Variants in SV2B observed in about 807,000 individuals in gnomAD.
SV2B encodes the protein solute carrier family 22 member B2.
A neutral mutation model predicts 73.9 loss-of-function variants in SV2B; 41 were observed. The observed-to-expected ratio is 0.56, with a 90% CI of 0.43 to 0.72. SV2B has a LOEUF of 0.72. Ranked by LOEUF, SV2B falls within the 30% of genes least tolerant of loss-of-function variation. SV2B has a pLI of 0.00. For synonymous variants in SV2B, 314 were observed against 314.2 expected (o/e 1.00, Z 0.01); for missense variants, 764 against 857.8 (o/e 0.89, Z 1.37).
At chr15:91,183,634 G>A (rs1282574807) in intron 1 of SV2B, among the ~76,000 whole-genome samples, 1 of 152,168 alleles carries the variant, frequency 6.6e-6, no homozygotes, top group Non-Finnish European at 1.5e-5. Flanking sequence ...AAGTTCCCCT[G>A]TTGAATTGGT....
chr15:91,284,183 C>T lies in SV2B; in HGVS notation c.1670C>T (p.Ala557Val). 1 of 1,614,206 alleles carries T rather than the reference C, an allele frequency of 6.2e-7. No homozygotes were observed. The highest frequency in any genetic ancestry group is 8.5e-7 in the Non-Finnish European group (1 of 1,180,040). The change falls in exon 11 of 13, where the codon GCC becomes GTC. Residue 557 changes from alanine to valine, a missense_variant. By Grantham distance (64) the Ala-to-Val change is moderately conservative. Coordinates refer to ENST00000394232, the MANE Select transcript of SV2B (RefSeq NM_001323032.3). The surrounding 1 kb of genome is among the most constrained non-coding windows in gnomAD (Gnocchi z 4.5). ...LSVLPGNIIS[A>V]LLMDRIGRLK... is the part of the protein sequence containing the mutation. ...GTCTTACCCGGGAACATCATTTCTG[C>T]CCTGCTCATGGATAGAATTGGAAGG...
intron 1 of SV2B, among the ~76,000 whole-genome samples, chr15:91,165,063 A>G (rs143948969): frequency 7.2e-5 from 11 of 152,300 alleles, no homozygotes; most frequent in Non-Finnish European, 1.5e-4. Context: ...TAGGCTGGAC[A>G]TGGTGGCTCT....
intron 1 of SV2B, among the ~76,000 whole-genome samples, chr15:91,208,672 T>C (rs2045733614): frequency 6.6e-6 from 1 of 152,176 alleles, no homozygotes; most frequent in South Asian, 2.1e-4. Flanking sequence ...TTCTCAAAAA[T>C]TCATCTTTCC....
At chr15:91,278,444 G>T (rs915132508) in intron 9 of SV2B, among the ~76,000 whole-genome samples, 1 of 151,870 alleles carries the variant, frequency 6.6e-6, no homozygotes, top group African/African-American at 2.4e-5. Flanking sequence ...TTGGGAGGCC[G>T]AGGCGGGTGG....
rs555011976 is a variant in SV2B, at chr15:91,267,035, C to T, written c.1119+343C>T. The stretch of plus-strand genomic sequence containing the variant: ...AGGAAGAAGTGAGTAAAATAAATGA[C>T]CCCTTGAGGCTTGTTCTTGATTTCC... On this transcript the variant is annotated intron_variant, in intron 7 of 12. Transcript: ENST00000394232. This position sits in a 1 kb window ranked among gnomAD's most constrained non-coding sequence, Gnocchi z 4.3. 22 of 197,628 alleles carry T rather than the reference C, an allele frequency of 1.1e-4. 1 individual carries two copies. In the South Asian group the frequency reaches 3.6e-3, roughly 32 times the overall value. 12.2% of individuals were successfully genotyped at this position (197,628 alleles called of 1,614,324 possible). A position where few individuals can be genotyped will look rare whatever the true frequency, so the allele number is the denominator to read the frequency against.
chr15:91,102,855 A>T (rs765310224), intron 1 of SV2B, among the ~76,000 whole-genome samples: 3 of 152,128 alleles, frequency 2.0e-5, no homozygotes, highest in Admixed American at 6.5e-5. Context: ...CTGGTAAATG[A>T]CATTTTACCA....
In SV2B at chr15:91,241,381, CA is replaced by C. The variant is rs1478025754; in HGVS notation, c.452-10437del. 6.6e-6 allele frequency among the ~76,000 whole-genome samples: 1 copy of C among 152,178 alleles called. No homozygotes were observed. The highest frequency in any genetic ancestry group is 2.4e-5 in the African/African-American group (1 of 41,442). On this transcript the variant is annotated intron_variant, in intron 2 of 12. Coordinates refer to ENST00000394232, the MANE Select transcript of SV2B (RefSeq NM_001323032.3). The surrounding 1 kb of genome is among the most constrained non-coding windows in gnomAD (Gnocchi z 4.8). ...GTTGCTGCACCTGGGTGGTCAGGAA[CA>C]CAGAACATACAATGTTGCCCACTGG... is the stretch of plus-strand genomic sequence containing the variant.
At chr15:91,119,077 C>T (rs1045881556) in intron 1 of SV2B, among the ~76,000 whole-genome samples, 1 of 152,180 alleles carries the variant, frequency 6.6e-6, no homozygotes. Context: ...CCAGTTGCTT[C>T]ACTTTTTAAA....
At position 91,289,721 on chromosome 15, in the gene SV2B, C is replaced by T. The variant is rs1478347498; in HGVS notation, c.1868+41C>T. ...GGCTTTCCTCAGGGACTTGTTTGGG[C>T]TTCTTTGGCCAGAAGTCTACCTGCT... On this transcript the variant is annotated intron_variant, in intron 12 of 12. Coordinates refer to ENST00000394232, the MANE Select transcript of SV2B (RefSeq NM_001323032.3). This position sits in a 1 kb window ranked among gnomAD's most constrained non-coding sequence, Gnocchi z 4.9. The T allele has an allele frequency of 6.3e-7, 1 of 1,592,362 alleles. No individual in the cohort carries two copies. The highest frequency in any genetic ancestry group is 1.3e-5 in the African/African-American group (1 of 74,154).
intron 2 of SV2B, among the ~76,000 whole-genome samples, chr15:91,247,830 C>G (rs1182140935): frequency 1.3e-5 from 2 of 152,068 alleles, no homozygotes; most frequent in East Asian, 1.9e-4. Context: ...ATTTGTGGAC[C>G]AAGTAAGGTC....
At chr15:91,217,404 A>G (rs1156786087) in intron 1 of SV2B, among the ~76,000 whole-genome samples, 1 of 152,148 alleles carries the variant, frequency 6.6e-6, no homozygotes, top group Middle Eastern at 3.2e-3. Context: ...GACCTCTTGG[A>G]GTAATTCTGA....
At chr15:91,199,421 G>T (rs2045382403) in intron 1 of SV2B, among the ~76,000 whole-genome samples, 1 of 152,204 alleles carries the variant, frequency 6.6e-6, no homozygotes, top group Non-Finnish European at 1.5e-5. Flanking sequence ...GGGACAGGTG[G>T]CAAACAACAC....
At chr15:91,178,871 G>T (rs1346733183) in intron 1 of SV2B, among the ~76,000 whole-genome samples, 1 of 146,134 alleles carries the variant, frequency 6.8e-6, no homozygotes, top group Non-Finnish European at 1.5e-5. Context: ...TTTTTGAAGG[G>T]TTTTTTGTGT....
At chr15:91,181,694 C>A (rs1407635859) in intron 1 of SV2B, among the ~76,000 whole-genome samples, 1 of 151,668 alleles carries the variant, frequency 6.6e-6, no homozygotes. Flanking sequence ...TAAACAGTGG[C>A]CAAATGGAAT....
chr15:91,143,556 T>C (rs2043059065), intron 1 of SV2B, among the ~76,000 whole-genome samples: 1 of 152,354 alleles, frequency 6.6e-6, no homozygotes, highest in South Asian at 2.1e-4. Context: ...ATTCTGTTTT[T>C]AGTAGTGCTA....
At chr15:91,126,056 C>T (rs144535002) in intron 1 of SV2B, among the ~76,000 whole-genome samples, 1 of 152,208 alleles carries the variant, frequency 6.6e-6, no homozygotes, top group East Asian at 1.9e-4. Context: ...ACATCTAGCA[C>T]TCTTAAGAGG....
rs2047500472 is a variant in SV2B, at chr15:91,251,930, T to C, written c.563T>C (p.Phe188Ser). 1.9e-6 allele frequency: 3 copies of C among 1,614,168 alleles called. No individual in the cohort carries two copies. Among genetic ancestry groups the C allele is most frequent in the Admixed American group, 3.3e-5 (2 of 60,026 alleles). Reference sequence around the variant, plus strand: ...ATGTCTCTGGCCGTCAATGCCTCCTTCGCCTCCCTCTCTTCCTTCGTGCAG... The same window carrying C: ...ATGTCTCTGGCCGTCAATGCCTCCTCCGCCTCCCTCTCTTCCTTCGTGCAG... The part of the protein sequence containing the change: ...LSMSLAVNAS[F>S]ASLSSFVQGY... The change falls in exon 3 of 13, where the codon TTC becomes TCC. Residue 188 changes from phenylalanine to serine, a missense_variant. Transcript: ENST00000394232.
Position 91,284,303 on chromosome 15 carries a change from C to T in SV2B, c.1708+82C>T. 6.8e-7 allele frequency: 1 copy of T among 1,477,134 alleles called. No individual in the cohort carries two copies. Among genetic ancestry groups the T allele is most frequent in the Non-Finnish European group, 9.3e-7 (1 of 1,073,456 alleles). 91.5% of individuals were successfully genotyped at this position (1,477,134 alleles called of 1,614,324 possible). On this transcript the variant is annotated intron_variant, in intron 11 of 12. Coordinates refer to ENST00000394232, the MANE Select transcript of SV2B (RefSeq NM_001323032.3). This position sits in a 1 kb window ranked among gnomAD's most constrained non-coding sequence, Gnocchi z 4.5. Reference sequence around the variant, plus strand: ...AGTGTATTAAACAGGGAAATTTTCCCTTTTATTAAATAATTCTTGCACAAC... The same window carrying T: ...AGTGTATTAAACAGGGAAATTTTCCTTTTTATTAAATAATTCTTGCACAAC...
In SV2B at chr15:91,241,762, G is replaced by C. The variant is rs1221613916; in HGVS notation, c.452-10057G>C. Among the ~76,000 whole-genome samples, 2 of 151,994 alleles carry C rather than the reference G, an allele frequency of 1.3e-5. No individual in the cohort carries two copies. The highest frequency in any genetic ancestry group is 3.9e-4 in the East Asian group (2 of 5,182). Reference sequence around the variant, plus strand: ...CTCACCTCCCCAGAACATCACTTTTGTAATCCTTTTTCTCATCATTTTGTA... The same window carrying C: ...CTCACCTCCCCAGAACATCACTTTTCTAATCCTTTTTCTCATCATTTTGTA... On this transcript the variant is annotated intron_variant, in intron 2 of 12. Coordinates refer to ENST00000394232, the MANE Select transcript of SV2B (RefSeq NM_001323032.3). This position sits in a 1 kb window ranked among gnomAD's most constrained non-coding sequence, Gnocchi z 4.8.
Sources: allele counts gnomAD v4.1 joint callset (sites outside exome capture counted in the v4.1 genomes callset), GRCh38; gene constraint gnomAD v4.1.1; non-coding constraint Gnocchi (gnomAD v3.1); transcripts MANE v1.5; gene names NCBI Gene and HGNC (gene_info 2026-07-23, HGNC 2026-07-21).